The following CASP2 variants were observed in gnomAD, a reference collection of about 807,000 sequenced individuals.
CASP2 encodes the protein caspase-2.
A neutral mutation model predicts 54.4 loss-of-function variants in CASP2; 38 were observed. The observed-to-expected ratio is 0.70, with a 90% confidence interval of 0.54 to 0.92. CASP2 has a LOEUF of 0.92. Among genes scored for constraint, CASP2 ranks in the 40% least tolerant of loss-of-function variants. The pLI is 0.00. For synonymous variants in CASP2, 215 were observed against 216.3 expected, an observed-to-expected ratio of 0.99 and a Z score of 0.05; for missense variants, 512 against 579.6, an observed-to-expected ratio of 0.88 and a Z score of 1.20.
chr7:143,304,581 T>C (rs1237130527), intron 9 of CASP2, 93 bp from the exon 10 acceptor site: 5 of 870,626 alleles, frequency 5.7e-6, no homozygotes, highest in Non-Finnish European at 9.9e-6. Flanking sequence ...GTTCTCTGAC[T>C]AGGGAGGGTG....
At position 143,306,338 on chromosome 7, in the gene CASP2, G is replaced by A. The variant is rs1208060304; in HGVS notation, c.*1267G>A. The A allele has an allele frequency of 2.2e-5, 3 of 139,470 alleles. No individual in the cohort carries two copies. The highest frequency in any genetic ancestry group is 4.5e-5 in the Non-Finnish European group (3 of 66,380). 8.6% of individuals were successfully genotyped at this position (139,470 alleles called of 1,614,324 possible). A position where few individuals can be genotyped will look rare whatever the true frequency, so the allele number is the denominator to read the frequency against. ...GTGGCACGATCTCAGCTCACTGCAA[G>A]CTCCAACTCCCGGGTTCACGCCATT... On this transcript the variant is annotated 3_prime_UTR_variant, in exon 11 of 11. Coordinates refer to ENST00000310447, the MANE Select transcript of CASP2 (RefSeq NM_032982.4).
Position 143,288,414 on chromosome 7 carries a change from G to A in CASP2, c.-42G>A, listed in dbSNP as rs1439178072. 6.9e-6 allele frequency: 11 copies of A among 1,601,954 alleles called. No homozygotes were observed. The highest frequency in any genetic ancestry group is 9.4e-6 in the Non-Finnish European group (11 of 1,171,652). ...AAGCGACGGCCCCCGGTTTGTTTGGGCTGTGGGCGGTGCGCAGCGGAGAGC... is the reference window on the plus strand; with the variant it reads ...AAGCGACGGCCCCCGGTTTGTTTGGACTGTGGGCGGTGCGCAGCGGAGAGC... On this transcript the variant is annotated 5_prime_UTR_variant, in exon 1 of 11. Transcript: ENST00000310447.
chr7:143,297,449 CT>C (rs976715439), intron 6 of CASP2, among the ~76,000 whole-genome samples: 1 of 151,478 alleles, frequency 6.6e-6, no homozygotes, highest in East Asian at 1.9e-4. Context: ...TTTTTGTTTT[CT>C]TTTTTTTTAT....
chr7:143,304,763 G>A lies in CASP2; in HGVS notation c.1207G>A (p.Val403Met), dbSNP rs754037878. 15 of 1,613,994 alleles carry A rather than the reference G, an allele frequency of 9.3e-6. No individual in the cohort carries two copies. In the East Asian group the frequency reaches 1.1e-4, roughly 12 times the overall value. The part of the protein sequence containing the change: ...VFSERACDMH[V>M]ADMLVKVNAL... ...TTCTGAGCGGGCTTGTGATATGCAC[G>A]TGGCCGACATGCTGGTTAAGGTGAG... The change falls in exon 10 of 11, where the codon GTG becomes ATG. Residue 403 changes from valine to methionine, a missense_variant. Physicochemically the swap from Val to Met is conservative, Grantham distance 21. This residue lies in a region of CASP2 where 417 missense variants were observed against 495.4 expected (regional missense o/e 0.84). Transcript: ENST00000310447.
chr7:143,304,005 AC>A, intron 9 of CASP2, 72 bp downstream of exon 9: 1 of 1,373,174 alleles, frequency 7.3e-7, no homozygotes, highest in Non-Finnish European at 1.0e-6. Flanking sequence ...CTTTGCAGGT[AC>A]AGGTTGAGTA....
intron 6 of CASP2, 118 bp downstream of exon 6, chr7:143,294,891 C>T (rs1801696444): frequency 8.8e-6 from 8 of 907,282 alleles, no homozygotes; most frequent in South Asian, 8.5e-5. Flanking sequence ...GTTTATTCTA[C>T]TTACATTTTT....
chr7:143,304,682 G>A lies in CASP2; in HGVS notation c.1126G>A (p.Ala376Thr), dbSNP rs898981516. 12 of 1,613,720 alleles carry A rather than the reference G, an allele frequency of 7.4e-6. No homozygotes were observed. The highest frequency in any genetic ancestry group is 2.2e-5 in the East Asian group (1 of 44,878). ...TGCCCTTTTGGTTGCAGGGACTGCC[G>A]CCATGCGGAACACCAAACGAGGTTC... ...CGYACLKGTA[A>T]MRNTKRGSWY... Residue 376 changes from alanine (A) to threonine (T), a missense_variant, in exon 10 of 11, where the codon GCC (alanine) becomes ACC (threonine). Transcript: ENST00000310447.
chr7:143,297,323 G>T (rs1159667906), intron 6 of CASP2, among the ~76,000 whole-genome samples: 1 of 152,156 alleles, frequency 6.6e-6, no homozygotes, highest in African/African-American at 2.4e-5. Flanking sequence ...GAATGGTTTA[G>T]TCTTACTAAG....
Position 143,292,365 on chromosome 7 carries a change from A to T in CASP2, c.291A>T (p.Gln97His). The T allele has an allele frequency of 6.2e-7, 1 of 1,614,192 alleles. No individual in the cohort carries two copies. Among genetic ancestry groups the T allele is most frequent in the African/African-American group, 1.3e-5 (1 of 75,058 alleles). The stretch of plus-strand genomic sequence containing the variant: ...ACTTGCTGCCTAAGAGGGGTCCCCA[A>T]GCTTTTGATGCCTTCTGTGAAGCAC... ...LLNLLPKRGP[Q>H]AFDAFCEALR... The change falls in exon 3 of 11, where the codon CAA (glutamine) becomes CAT (histidine). Residue 97 changes from glutamine to histidine, a missense_variant. Coordinates refer to ENST00000310447, the MANE Select transcript of CASP2 (RefSeq NM_032982.4).
intron 1 of CASP2, chr7:143,289,724 A>G: frequency 2.1e-6 from 1 of 471,656 alleles, no homozygotes; most frequent in Non-Finnish European, 2.8e-6. Flanking sequence ...AAAGTGATTC[A>G]TTCTTAAATA....
At position 143,292,309 on chromosome 7, in the gene CASP2, G is replaced by A; in HGVS notation, c.235G>A (p.Gly79Ser). The A allele has an allele frequency of 6.2e-7, 1 of 1,614,110 alleles. No homozygotes were observed. The highest frequency in any genetic ancestry group is 8.5e-7 in the Non-Finnish European group (1 of 1,180,020). Residue 79 changes from glycine (G) to serine (S), a missense_variant, in exon 3 of 11, where the codon GGC becomes AGC. Around this residue, in one of 3 missense-constraint regions of CASP2, gnomAD observed 417 missense variants for 495.4 expected, o/e 0.84. Transcript: ENST00000310447. ...TATTCTTGTGTCTTAGGCCAAAGTG[G>A]GCAGTTTCAGCCAGAATGTGGAACT... The part of the protein sequence containing the change: ...EMRELIQAKV[G>S]SFSQNVELLN...
rs776908061 is a variant in CASP2, at chr7:143,299,950, GCA to G, written c.778_779del (p.Gln260ValfsTer41). 5.0e-6 allele frequency: 8 copies of G among 1,613,996 alleles called. No individual in the cohort carries two copies. In the East Asian group the frequency reaches 1.1e-4, roughly 22 times the overall value. On this transcript the variant is annotated frameshift_variant, in exon 7 of 11. Transcript: ENST00000310447. LOFTEE classifies it high-confidence loss of function. The stretch of plus-strand genomic sequence containing the variant: ...AATGCAAGAGAAACTGCAGAATTTT[GCA>G]CAGTTACCTGCACACCGAGTCACGG... ...QEMQEKLQNF[A>X]QLPAHRVTDS...
At chr7:143,296,402 G>A (rs902368703) in intron 6 of CASP2, among the ~76,000 whole-genome samples, 3 of 152,104 alleles carry the variant, frequency 2.0e-5, no homozygotes, top group African/African-American at 7.2e-5. Flanking sequence ...TATTCCTAAC[G>A]ACCAAACAAG....
Position 143,291,603 on chromosome 7 carries a change from G to A in CASP2, c.138G>A (p.Val46=), listed in dbSNP as rs758688793. The A allele has an allele frequency of 6.8e-6, 11 of 1,614,042 alleles. No homozygotes were observed. The highest frequency in any genetic ancestry group is 1.7e-5 in the Admixed American group (1 of 60,004). ...HQETLKKNRV[V]LAKQLLLSEL... is the part of the protein sequence containing the mutation. ...AAACTCTAAAAAAGAACCGAGTGGT[G>A]CTAGCCAAACAGCTGTTGTTGAGCG... Residue 46 remains valine, a synonymous_variant, in exon 2 of 11, where the codon GTG becomes GTA. Coordinates refer to ENST00000310447, the MANE Select transcript of CASP2 (RefSeq NM_032982.4).
At position 143,307,549 on chromosome 7, in the gene CASP2, G is replaced by A. The variant is rs868511746; in HGVS notation, c.*2478G>A. The A allele has an allele frequency of 3.3e-5, 5 of 152,206 alleles. No individual in the cohort carries two copies. Among genetic ancestry groups the A allele is most frequent in the African/African-American group, 1.2e-4 (5 of 41,448 alleles). The allele number at this position is 152,206 out of a possible 1,614,324, so 9.4% of individuals were successfully genotyped here. On this transcript the variant is annotated 3_prime_UTR_variant, in exon 11 of 11. Coordinates refer to ENST00000310447, the MANE Select transcript of CASP2 (RefSeq NM_032982.4). ...TAGTCAAGGTGCTCAATAAATATTT[G>A]TTTGGGTGGTTTGTGAGCCTTGCTG... is the stretch of plus-strand genomic sequence containing the variant.
Position 143,291,563 on chromosome 7 carries a change from A to T in CASP2, c.98A>T (p.His33Leu). ...AGGATATTGGGAGTGTGTGGCATGC[A>T]TCCTCATCATCAGGAAACTCTAAAA... Reference protein sequence around the residue: ...GRRILGVCGMHPHHQETLKKN... With the variant: ...GRRILGVCGMLPHHQETLKKN... Residue 33 changes from histidine to leucine, a missense_variant, in exon 2 of 11, where the codon CAT (histidine) becomes CTT (leucine). Transcript: ENST00000310447. 6.2e-7 allele frequency: 1 copy of T among 1,614,040 alleles called. No individual in the cohort carries two copies. Among genetic ancestry groups the T allele is most frequent in the Non-Finnish European group, 8.5e-7 (1 of 1,179,992 alleles).
At position 143,304,981 on chromosome 7, in the gene CASP2, C is replaced by T. The variant is rs747728508; in HGVS notation, c.1269C>T (p.Gly423=). The T allele has an allele frequency of 6.2e-7, 1 of 1,614,068 alleles. No individual in the cohort carries two copies. The highest frequency in any genetic ancestry group is 8.5e-7 in the Non-Finnish European group (1 of 1,180,038). The change falls in exon 11 of 11, where the codon GGC becomes GGT. Residue 423 remains glycine, a synonymous_variant. Transcript: ENST00000310447. ...LIKDREGYAP[G]TEFHRCKEMS... is the part of the protein sequence containing the mutation. ...AGGATCGGGAAGGTTATGCTCCTGG[C>T]ACAGAATTCCACCGGTGCAAGGAGA... is the stretch of plus-strand genomic sequence containing the variant.
chr7:143,297,373 T>G (rs1801785623), intron 6 of CASP2, among the ~76,000 whole-genome samples: 2 of 152,326 alleles, frequency 1.3e-5, no homozygotes, highest in South Asian at 4.1e-4. Context: ...TTGGACATTG[T>G]TTTCTATTTA....
chr7:143,306,995 C>G lies in CASP2; in HGVS notation c.*1924C>G, dbSNP rs1802083694. The G allele has an allele frequency of 6.6e-6, 1 of 152,278 alleles. No homozygotes were observed. Among genetic ancestry groups the G allele is most frequent in the Non-Finnish European group, 1.5e-5 (1 of 68,136 alleles). 9.4% of individuals were successfully genotyped at this position (152,278 alleles called of 1,614,324 possible). A position where few individuals can be genotyped will look rare whatever the true frequency, so the allele number is the denominator to read the frequency against. On this transcript the variant is annotated 3_prime_UTR_variant, in exon 11 of 11. Transcript: ENST00000310447. ...TCTCCTCTCAGCTTCTAATTTTGTG[C>G]TCTTTCCTGCCCTTTTCCTGGGCCT...
Sources: gnomAD v4.1 joint callset for allele counts (sites outside exome capture counted in the v4.1 genomes callset) on GRCh38, gnomAD v4.1.1 for gene constraint, gnomAD v4.1.1 regional missense constraint, MANE v1.5 for transcripts, NCBI Gene and HGNC (gene_info 2026-07-23, HGNC 2026-07-21) for gene names.